The following DNAH14 variants were observed in gnomAD, a reference collection of about 807,000 sequenced individuals.
DNAH14 encodes dynein axonemal heavy chain 14.
A neutral mutation model predicts 520.9 loss-of-function variants in DNAH14; 478 were observed. The ratio of observed to expected loss-of-function variants is 0.92; its 90% confidence interval spans 0.85 to 0.99. DNAH14 has a LOEUF of 0.99. Among genes scored for constraint, DNAH14 ranks in the 50% least tolerant of loss-of-function variants. The pLI is 0.00. For missense variants in DNAH14, 4,831 were observed against 5,234.5 expected (o/e 0.92, Z 2.38); for synonymous variants, 1,581 against 1,757.2 (o/e 0.90, Z 2.51).
At chr1:224,996,757 G>T (rs2063417817) in intron 8 of DNAH14, among the ~76,000 whole-genome samples, 1 of 152,194 alleles carries the variant, frequency 6.6e-6, no homozygotes, top group Non-Finnish European at 1.5e-5. Flanking sequence ...GAGTTCTGCA[G>T]TTGGATGGGC....
chr1:225,095,057 T>C (rs562689823), intron 21 of DNAH14, among the ~76,000 whole-genome samples: 1 of 152,240 alleles, frequency 6.6e-6, no homozygotes, highest in South Asian at 2.1e-4. Flanking sequence ...GGAATACTTA[T>C]ACATTGCTGC....
At chr1:225,309,463 T>C (rs1453923284) in intron 60 of DNAH14, among the ~76,000 whole-genome samples, 1 of 152,126 alleles carries the variant, frequency 6.6e-6, no homozygotes, top group Non-Finnish European at 1.5e-5. Flanking sequence ...GTTAAGCAAA[T>C]AGGGGAGGCC....
rs140709261 is a variant in DNAH14, at chr1:225,041,019, C to T, written c.1489-1816C>T. ...TGAGGGACAGAACCAATAAGATTCACGCATCTATTTCATATATGTATATAT... is the reference window on the plus strand; with the variant it reads ...TGAGGGACAGAACCAATAAGATTCATGCATCTATTTCATATATGTATATAT... On this transcript the variant is annotated intron_variant, in intron 12 of 85. Coordinates refer to ENST00000682510, the MANE Select transcript of DNAH14 (RefSeq NM_001367479.1). 3.3e-4 allele frequency among the ~76,000 whole-genome samples: 50 copies of T among 152,282 alleles called. No individual in the cohort carries two copies. The East Asian group carries it at 3.7e-3, about 11-fold the overall frequency.
intron 36 of DNAH14, among the ~76,000 whole-genome samples, chr1:225,172,112 T>A (rs1018192344): frequency 2.0e-5 from 3 of 152,112 alleles, no homozygotes; most frequent in African/African-American, 7.2e-5. Context: ...GGGACATATC[T>A]CAAAATAATA....
chr1:225,359,806 G>A (rs994575014), intron 74 of DNAH14, among the ~76,000 whole-genome samples: 18 of 152,226 alleles, frequency 1.2e-4, no homozygotes, highest in Admixed American at 4.6e-4. Context: ...CCTTTAAGGA[G>A]ATATCCAAAG....
At chr1:225,361,960 A>C (rs1258945745) in intron 75 of DNAH14, among the ~76,000 whole-genome samples, 1 of 152,248 alleles carries the variant, frequency 6.6e-6, no homozygotes, top group African/African-American at 2.4e-5. Context: ...TAGTTACATG[A>C]CTTTAATAGA....
intron 10 of DNAH14, among the ~76,000 whole-genome samples, chr1:225,014,673 A>G (rs1451185722): frequency 2.0e-5 from 3 of 152,192 alleles, no homozygotes; most frequent in Non-Finnish European, 4.4e-5. Flanking sequence ...GATACTTGAT[A>G]TGATTTTAAT....
At chr1:225,213,285 C>T (rs1056466757) in intron 41 of DNAH14, among the ~76,000 whole-genome samples, 8 of 151,976 alleles carry the variant, frequency 5.3e-5, no homozygotes, top group African/African-American at 9.7e-5. Flanking sequence ...TTTTGGTACC[C>T]GTACCATGCT....
At chr1:225,078,897 T>C (rs1024361748) in intron 17 of DNAH14, among the ~76,000 whole-genome samples, 37 of 135,888 alleles carry the variant, frequency 2.7e-4, no homozygotes, top group African/African-American at 9.8e-4. Context: ...TCTCTCTCTC[T>C]CCCCGCTTTT....
At chr1:225,321,262 G>A (rs983944174) in intron 61 of DNAH14, among the ~76,000 whole-genome samples, 6 of 152,078 alleles carry the variant, frequency 3.9e-5, no homozygotes, top group Non-Finnish European at 8.8e-5. Context: ...ACAGACACTG[G>A]GGCCTACCTG....
In DNAH14 at chr1:225,388,405, A is replaced by G. The variant is rs1199002340; in HGVS notation, c.13104A>G (p.Pro4368=). 1.3e-6 allele frequency: 2 copies of G among 1,530,092 alleles called. No individual in the cohort carries two copies. Among genetic ancestry groups the G allele is most frequent in the Non-Finnish European group, 8.9e-7 (1 of 1,129,738 alleles). 94.8% of individuals were successfully genotyped at this position (1,530,092 alleles called of 1,614,324 possible). Residue 4368 remains proline (P), a synonymous_variant, in exon 82 of 86, where the codon CCA becomes CCG. Transcript: ENST00000682510. ...AACACGCCTACAGATCTTGTAAGCC[A>G]CTGAGTTCCTGGATTGATGATCTCA... ...WQKHAYRSCK[P]LSSWIDDLIQ...
intron 8 of DNAH14, among the ~76,000 whole-genome samples, chr1:224,986,225 A>G (rs1312044620): frequency 1.3e-5 from 2 of 151,972 alleles, no homozygotes; most frequent in Admixed American, 1.3e-4. Context: ...ATCCTACTCA[A>G]ACTATTCTGA....
chr1:225,075,684 C>T (rs1465463790), intron 17 of DNAH14, among the ~76,000 whole-genome samples: 3 of 151,844 alleles, frequency 2.0e-5, no homozygotes, highest in African/African-American at 7.3e-5. Context: ...GACCCTACCT[C>T]TAAAAAAAAA....
At chr1:225,226,865 G>A (rs1032886065) in intron 41 of DNAH14, among the ~76,000 whole-genome samples, 1 of 152,144 alleles carries the variant, frequency 6.6e-6, no homozygotes, top group South Asian at 2.1e-4. Flanking sequence ...GAAAACATGT[G>A]AGCAAAGGAC....
In DNAH14 at chr1:225,381,502, G is replaced by A; in HGVS notation, c.13000G>A (p.Gly4334Arg). Residue 4334 changes from glycine (G) to arginine (R), a missense_variant, in exon 81 of 86, where the codon GGA becomes AGA. Coordinates refer to ENST00000682510, the MANE Select transcript of DNAH14 (RefSeq NM_001367479.1). ...AAAAGATCTTCAGCTTGCTATAAAAGGAGAGATCATCCTCACCCAAGAATT... is the reference window on the plus strand; with the variant it reads ...AAAAGATCTTCAGCTTGCTATAAAAAGAGAGATCATCCTCACCCAAGAATT... The part of the protein sequence containing the change: ...SLKDLQLAIK[G>R]EIILTQELEE... The A allele has an allele frequency of 6.5e-7, 1 of 1,549,938 alleles. No individual in the cohort carries two copies. The highest frequency in any genetic ancestry group is 1.2e-5 in the South Asian group (1 of 83,538).
intron 41 of DNAH14, among the ~76,000 whole-genome samples, chr1:225,208,257 A>T (rs12079258): frequency 2.6e-5 from 4 of 152,072 alleles, no homozygotes; most frequent in African/African-American, 9.7e-5. Flanking sequence ...GTAACCCAGG[A>T]AAGTTGCAGT....
At position 225,322,700 on chromosome 1, in the gene DNAH14, C is replaced by A; in HGVS notation, c.9372C>A (p.Val3124=). ...YTRPPFLVLT[V]MNAVCILLQK... ...GGCCTCCCTTCCTTGTACTGACTGT[C>A]ATGAATGCAGTGTGTATTCTTCTGC... is the stretch of plus-strand genomic sequence containing the variant. Residue 3124 remains valine, a synonymous_variant, in exon 62 of 86, where the codon GTC becomes GTA. Transcript: ENST00000682510. The A allele has an allele frequency of 6.5e-7, 1 of 1,550,098 alleles. No homozygotes were observed. Among genetic ancestry groups the A allele is most frequent in the South Asian group, 1.2e-5 (1 of 83,956 alleles).
At chr1:225,366,844 A>C (rs892764838) in intron 76 of DNAH14, among the ~76,000 whole-genome samples, 6 of 152,048 alleles carry the variant, frequency 3.9e-5, no homozygotes, top group Non-Finnish European at 8.8e-5. Context: ...CCAAAGCAAA[A>C]GTCTGTCTCT....
intron 42 of DNAH14, among the ~76,000 whole-genome samples, chr1:225,238,499 C>T (rs1195897188): frequency 6.6e-6 from 1 of 152,202 alleles, no homozygotes; most frequent in Non-Finnish European, 1.5e-5. Flanking sequence ...TGTGGAAGCT[C>T]TGTCCCAAGG....
Sources: allele counts gnomAD v4.1 joint callset (sites outside exome capture counted in the v4.1 genomes callset), GRCh38; gene constraint gnomAD v4.1.1; transcripts MANE v1.5; gene names NCBI Gene and HGNC (gene_info 2026-07-23, HGNC 2026-07-21).